Variants in SLC30A5 observed in about 807,000 individuals in gnomAD.
The protein encoded by SLC30A5 is solute carrier family 30 member 5, also known as proton-coupled zinc antiporter SLC30A5.
A neutral mutation model predicts 79.6 loss-of-function variants in SLC30A5; 33 were observed. That is an observed-to-expected ratio of 0.41 (90% CI 0.31 to 0.55). The LOEUF (loss-of-function observed/expected upper bound fraction) is 0.55. Among genes scored for constraint, SLC30A5 ranks in the 20% least tolerant of loss-of-function variants. The pLI is 0.20. For synonymous variants in SLC30A5, 299 were observed against 319.7 expected (o/e 0.94, Z 0.69); for missense variants, 788 against 928.1 (o/e 0.85, Z 1.96).
At chr5:69,125,776 TTGCAGTGAGCCATGAACCTGGGAGGCGG>T in intron 14 of SLC30A5, among the ~76,000 whole-genome samples, 1 of 52,716 alleles carries the variant, frequency 1.9e-5, no homozygotes, top group Non-Finnish European at 4.6e-5. Context: ...GAGGCGGAGC[TTGCAGTGAGCCATGAACCTGGGAGGCGG>T]AGCTTGCAGT....
chr5:69,098,681 CTTAT>C (rs1167111311), intron 1 of SLC30A5, among the ~76,000 whole-genome samples: 8 of 152,334 alleles, frequency 5.3e-5, no homozygotes, highest in Admixed American at 1.3e-4. Context: ...GGACTACCAG[CTTAT>C]TTATTAGTTG....
intron 14 of SLC30A5, chr5:69,123,628 G>C (rs745540411): frequency 1.6e-5 from 8 of 510,688 alleles, no homozygotes; most frequent in Non-Finnish European, 2.4e-5. Context: ...TTTACTTAAA[G>C]GATATAAAAC....
intron 13 of SLC30A5, among the ~76,000 whole-genome samples, chr5:69,122,583 G>A (rs1746565995): frequency 6.6e-6 from 1 of 152,222 alleles, no homozygotes; most frequent in Non-Finnish European, 1.5e-5. Flanking sequence ...GAACCTGGGA[G>A]ATGGAGGTTG....
chr5:69,098,545 T>A (rs1745813132), intron 1 of SLC30A5, among the ~76,000 whole-genome samples: 1 of 152,234 alleles, frequency 6.6e-6, no homozygotes, highest in Non-Finnish European at 1.5e-5. Context: ...CTTTGCCTAC[T>A]GCAGTAGCTC....
intron 6 of SLC30A5, 42 bp from the exon 7 acceptor site, chr5:69,114,378 G>C: frequency 8.4e-7 from 1 of 1,192,662 alleles, no homozygotes; most frequent in Middle Eastern, 1.9e-4. Flanking sequence ...GTGTCAAAGA[G>C]TGACTTTTTG....
intron 6 of SLC30A5, among the ~76,000 whole-genome samples, chr5:69,113,736 C>G (rs1043145996): frequency 6.6e-6 from 1 of 152,158 alleles, no homozygotes; most frequent in Non-Finnish European, 1.5e-5. Context: ...TACAAACATG[C>G]CTTTTTTTCT....
chr5:69,124,003 C>T (rs1369059950), intron 14 of SLC30A5, among the ~76,000 whole-genome samples: 2 of 150,344 alleles, frequency 1.3e-5, no homozygotes, highest in East Asian at 3.9e-4. Flanking sequence ...GTCCCAGCTA[C>T]TCGGGAGGCT....
chr5:69,121,950 CTG>C, intron 13 of SLC30A5, 55 bp downstream of exon 13: 11 of 1,409,670 alleles, frequency 7.8e-6, no homozygotes, highest in South Asian at 1.3e-5. Flanking sequence ...AATCAACCCT[CTG>C]TGTTTATTTG....
intron 7 of SLC30A5, 53 bp from the exon 8 acceptor site, chr5:69,115,184 T>C (rs942563133): frequency 1.0e-6 from 1 of 969,888 alleles, no homozygotes; most frequent in Non-Finnish European, 1.6e-6. Flanking sequence ...ATTTAACGAC[T>C]GACTGTTGAA....
Position 69,121,776 on chromosome 5 carries a change from C to T in SLC30A5, c.1652C>T (p.Ser551Phe), listed in dbSNP as rs779528637. ...GCCCATAGCCATGCCCATGGAGCTT[C>T]TCAAGGAAGCTGTCACTCATCTGAT... ...SHAHSHAHGA[S>F]QGSCHSSDHS... The change falls in exon 13 of 16, where the codon TCT becomes TTT. Residue 551 changes from serine (S) to phenylalanine (F), a missense_variant. This residue lies in a region of SLC30A5 where 626 missense variants were observed against 755.5 expected (regional missense o/e 0.83). Transcript: ENST00000396591. The T allele has an allele frequency of 1.7e-5, 28 of 1,611,980 alleles. No homozygotes were observed. In the South Asian group the frequency reaches 2.6e-4, roughly 15 times the overall value.
intron 14 of SLC30A5, among the ~76,000 whole-genome samples, chr5:69,125,281 CT>C (rs1746645148): frequency 6.6e-6 from 1 of 151,968 alleles, no homozygotes; most frequent in African/African-American, 2.4e-5. Context: ...AATCCCAGCA[CT>C]TTGGGAGGCT....
chr5:69,117,784 G>C (rs1033475749), intron 11 of SLC30A5, among the ~76,000 whole-genome samples: 4 of 151,902 alleles, frequency 2.6e-5, no homozygotes, highest in Admixed American at 1.3e-4. Flanking sequence ...GGTTGAGGCA[G>C]GAGAATCGCT....
At chr5:69,114,518 C>T in intron 7 of SLC30A5, 22 bp downstream of exon 7, 2 of 1,414,606 alleles carry the variant, frequency 1.4e-6, no homozygotes, top group Non-Finnish European at 2.0e-6. Flanking sequence ...TTGTTCCTAA[C>T]AGGATCAAAA....
intron 3 of SLC30A5, chr5:69,103,913 A>G: frequency 7.4e-7 from 1 of 1,343,716 alleles, no homozygotes; most frequent in East Asian, 2.5e-5. Context: ...ATTTTTTAAA[A>G]TATGATTAAT....
At chr5:69,128,849 A>T (rs892175646) in intron 15 of SLC30A5, among the ~76,000 whole-genome samples, 2 of 152,196 alleles carry the variant, frequency 1.3e-5, no homozygotes, top group African/African-American at 4.8e-5. Flanking sequence ...GATGTGCCAA[A>T]TTGGAAACAA....
Position 69,123,361 on chromosome 5 carries a change from G to C in SLC30A5, c.1934G>C (p.Cys645Ser). ...LSVVPLIKDA[C>S]QVLLLRLPPE... ...GTTGTTCCACTGATTAAAGATGCCT[G>C]CCAGGTTCTACTCCTGAGATTGCCA... is the stretch of plus-strand genomic sequence containing the variant. Residue 645 changes from cysteine to serine, a missense_variant, in exon 14 of 16, where the codon TGC becomes TCC. Around this residue, in one of 3 missense-constraint regions of SLC30A5, gnomAD observed 158 missense variants for 156.2 expected, o/e 1.01. Transcript: ENST00000396591. The C allele has an allele frequency of 6.2e-7, 1 of 1,613,982 alleles. No individual in the cohort carries two copies. Among genetic ancestry groups the C allele is most frequent in the East Asian group, 2.2e-5 (1 of 44,858 alleles).
chr5:69,115,308 T>A lies in SLC30A5; in HGVS notation c.684T>A (p.Ser228=), dbSNP rs1746336789. 1 of 1,614,132 alleles carries A rather than the reference T, an allele frequency of 6.2e-7. No homozygotes were observed. Among genetic ancestry groups the A allele is most frequent in the Admixed American group, 1.7e-5 (1 of 60,018 alleles). ...VGFHTASRKL[S]VDVGGAKRLQ... is the part of the protein sequence containing the mutation. ...TTCATACAGCTTCCAGAAAGCTCTC[T>A]GTCGACGTTGGTGGAGCTAAACGTC... is the stretch of plus-strand genomic sequence containing the variant. Residue 228 remains serine (S), a synonymous_variant, in exon 8 of 16, where the codon TCT becomes TCA. Transcript: ENST00000396591.
At position 69,101,277 on chromosome 5, in the gene SLC30A5, C is replaced by CT. The variant is rs1196908206; in HGVS notation, c.206+359dup. Among the ~76,000 whole-genome samples, 411 of 145,594 alleles carry CT rather than the reference C, an allele frequency of 2.8e-3. 1 individual carries two copies. The highest frequency in any genetic ancestry group is 8.2e-3 in the African/African-American group (329 of 39,964). On this transcript the variant is annotated intron_variant, in intron 2 of 15. Coordinates refer to ENST00000396591, the MANE Select transcript of SLC30A5 (RefSeq NM_022902.5). ...TAATTTATTCTACTTATACGAAATGCTTTTTTTTTTTCTTTTTTGAGACAC... is the reference window on the plus strand; with the variant it reads ...TAATTTATTCTACTTATACGAAATGCTTTTTTTTTTTTCTTTTTTGAGACAC...
At position 69,100,941 on chromosome 5, in the gene SLC30A5, G is replaced by T; in HGVS notation, c.206+12G>T. ...ATATTAAAACTTGGGTGAGTGTGGG[G>T]GGGGGTTTTTTCTTGATATTTTTTA... On this transcript the variant is annotated intron_variant, in intron 2 of 15. Transcript: ENST00000396591. The T allele has an allele frequency of 1.3e-6, 2 of 1,514,122 alleles. No individual in the cohort carries two copies. Among genetic ancestry groups the T allele is most frequent in the East Asian group, 2.4e-5 (1 of 41,944 alleles). The allele number at this position is 1,514,122 out of a possible 1,614,324, so 93.8% of individuals were successfully genotyped here.
Sources: allele counts gnomAD v4.1 joint callset (sites outside exome capture counted in the v4.1 genomes callset), GRCh38; gene constraint gnomAD v4.1.1; regional missense constraint gnomAD v4.1.1; transcripts MANE v1.5; gene names NCBI Gene and HGNC (gene_info 2026-07-23, HGNC 2026-07-21).